The following ECPAS variants were observed in gnomAD, a reference collection of about 807,000 sequenced individuals.
ECPAS encodes proteasome adapter and scaffold protein ECM29.
In ECPAS, 70 loss-of-function variants were observed where a neutral mutation model predicts 255.1. That is an observed-to-expected ratio of 0.27 (90% CI 0.23 to 0.33). The LOEUF (loss-of-function observed/expected upper bound fraction) is 0.33. Among genes scored for constraint, ECPAS ranks in the 10% least tolerant of loss-of-function variants. The probability of loss-of-function intolerance (pLI) is 1.00; values close to 1 mark genes in which losing one functional copy is unlikely to be tolerated. For missense variants in ECPAS, 1,817 were observed against 2,206.4 expected (o/e 0.82, Z 3.54); for synonymous variants, 784 against 775.0 (o/e 1.01, Z -0.19).
chr9:111,407,103 A>T (rs1035998960), intron 24 of ECPAS, among the ~76,000 whole-genome samples: 5 of 140,900 alleles, frequency 3.5e-5, no homozygotes, highest in Admixed American at 7.0e-5. Flanking sequence ...AGCCTTCATT[A>T]AAAAAAAAAC....
rs149033920 is a variant in ECPAS, at chr9:111,408,688, A to G, written c.2551-16T>C. 1.0e-4 allele frequency: 155 copies of G among 1,513,286 alleles called. No individual in the cohort carries two copies. Among genetic ancestry groups the G allele is most frequent in the Non-Finnish European group, 1.3e-4 (146 of 1,124,230 alleles). 93.7% of individuals were successfully genotyped at this position (1,513,286 alleles called of 1,614,324 possible). A position where few individuals can be genotyped will look rare whatever the true frequency, so the allele number is the denominator to read the frequency against. On this transcript the variant is annotated splice_polypyrimidine_tract_variant and intron_variant, in intron 23 of 49. Coordinates refer to ENST00000684092, the MANE Select transcript of ECPAS (RefSeq NM_001364929.1). ...GTTCTTTCATCTGGAAGAACACCAA[A>G]TTTTTTTCTTTTAAACAGAGTATAT...
At chr9:111,464,270 CAAA>C (rs200787710) in intron 2 of ECPAS, among the ~76,000 whole-genome samples, 3 of 124,220 alleles carry the variant, frequency 2.4e-5, no homozygotes, top group African/African-American at 2.9e-5. Context: ...CCATCTCTAC[CAAA>C]AAAAAAAAAA....
At chr9:111,388,547 T>G (rs1270369565) in intron 31 of ECPAS, among the ~76,000 whole-genome samples, 3 of 151,716 alleles carry the variant, frequency 2.0e-5, no homozygotes, top group Admixed American at 6.6e-5. Flanking sequence ...ATCATGGAAT[T>G]TATTTAAAGT....
intron 1 of ECPAS, chr9:111,483,577 G>A: frequency 1.4e-6 from 1 of 724,948 alleles, no homozygotes; most frequent in Non-Finnish European, 1.7e-6. Flanking sequence ...GAGGGGCTGG[G>A]GGGGCAGGGC....
chr9:111,371,976 G>A (rs767109797), intron 42 of ECPAS, 147 bp from the exon 43 acceptor site: 4 of 662,040 alleles, frequency 6.0e-6, no homozygotes, highest in Non-Finnish European at 1.0e-5. Flanking sequence ...GAGAGAAAGT[G>A]TGTTGGTGTT....
chr9:111,433,086 G>A, intron 8 of ECPAS, 147 bp downstream of exon 8: 1 of 767,430 alleles, frequency 1.3e-6, no homozygotes, highest in Middle Eastern at 3.3e-4. Flanking sequence ...CAACTCTTTA[G>A]CAAACTTGAT....
chr9:111,476,574 A>ATTTT (rs58723893), intron 1 of ECPAS, among the ~76,000 whole-genome samples: 30 of 105,932 alleles, frequency 2.8e-4, no homozygotes, highest in African/African-American at 3.4e-4. Flanking sequence ...TAACATCAGA[A>ATTTT]TTTTTTTTTT....
chr9:111,428,901 C>T (rs1459468879), intron 9 of ECPAS, among the ~76,000 whole-genome samples: 1 of 152,214 alleles, frequency 6.6e-6, no homozygotes, highest in Non-Finnish European at 1.5e-5. Flanking sequence ...GTGCACAATA[C>T]TGGCTCACTG....
intron 31 of ECPAS, among the ~76,000 whole-genome samples, chr9:111,387,209 T>A (rs2098150532): frequency 6.6e-6 from 1 of 151,978 alleles, no homozygotes; most frequent in African/African-American, 2.4e-5. Context: ...TCACTCATCA[T>A]CAGTGCAGTT....
intron 2 of ECPAS, among the ~76,000 whole-genome samples, chr9:111,452,726 T>C (rs533438714): frequency 1.3e-5 from 2 of 152,266 alleles, no homozygotes; most frequent in East Asian, 1.9e-4. Context: ...GATACATGGA[T>C]AGACAGACAG....
intron 17 of ECPAS, 41 bp from the exon 18 acceptor site, chr9:111,416,393 A>G: frequency 6.8e-7 from 1 of 1,463,190 alleles, no homozygotes; most frequent in South Asian, 1.1e-5. Context: ...TTACTGAAAA[A>G]TGAAGCATAC....
intron 2 of ECPAS, among the ~76,000 whole-genome samples, chr9:111,455,552 C>T (rs1332967270): frequency 2.6e-5 from 4 of 152,210 alleles, no homozygotes; most frequent in Admixed American, 2.6e-4. Flanking sequence ...TATCTGGAAA[C>T]CTGGATTTCA....
In ECPAS at chr9:111,362,109, G is replaced by A. The variant is rs1213679636; in HGVS notation, c.5441C>T (p.Ala1814Val). The A allele has an allele frequency of 6.8e-6, 11 of 1,609,304 alleles. No individual in the cohort carries two copies. Among genetic ancestry groups the A allele is most frequent in the South Asian group, 6.6e-5 (6 of 90,866 alleles). ...ECRVLLIESL[A>V]TMEPDSRPEL... is the part of the protein sequence containing the mutation. ...AGGTCTGCTGTCTGGCTCCATAGTA[G>A]CTAAAGACTCAATTAGGAGCACTCT... The change falls in exon 50 of 50, where the codon GCT (alanine) becomes GTT (valine). Residue 1814 changes from alanine (A) to valine (V), a missense_variant. Physicochemically the swap from Ala to Val is moderately conservative, Grantham distance 64. This residue lies in a region of ECPAS where 960 missense variants were observed against 1,179.0 expected (regional missense o/e 0.81). Transcript: ENST00000684092.
intron 24 of ECPAS, among the ~76,000 whole-genome samples, chr9:111,397,674 T>C (rs1049624395): frequency 1.8e-4 from 28 of 152,244 alleles, no homozygotes; most frequent in African/African-American, 6.8e-4. Flanking sequence ...CCACAATAAA[T>C]AGTAGCCATT....
chr9:111,368,151 A>C (rs1190737560), intron 46 of ECPAS, among the ~76,000 whole-genome samples: 5 of 152,214 alleles, frequency 3.3e-5, no homozygotes, highest in South Asian at 2.1e-4. Context: ...CTTTTGGCTA[A>C]GATCAAGTGT....
At chr9:111,388,716 A>G (rs2098154512) in intron 31 of ECPAS, among the ~76,000 whole-genome samples, 1 of 152,194 alleles carries the variant, frequency 6.6e-6, no homozygotes, top group Admixed American at 6.5e-5. Flanking sequence ...AATTAGGGAA[A>G]GAAGAGAGTA....
Position 111,484,170 on chromosome 9 carries a change from A to AGGGCTGTAGAGCGAGGCGT in ECPAS, c.-156_-138dup, listed in dbSNP as rs1407592279. The AGGGCTGTAGAGCGAGGCGT allele has an allele frequency of 1.4e-5, 20 of 1,475,440 alleles. No homozygotes were observed. Among genetic ancestry groups the AGGGCTGTAGAGCGAGGCGT allele is most frequent in the Admixed American group, 9.3e-5 (4 of 42,948 alleles). The allele number at this position is 1,475,440 out of a possible 1,614,324, so 91.4% of individuals were successfully genotyped here. ...ACGCTGCGCTCGGCGCCGCGAGGTG[A>AGGGCTGTAGAGCGAGGCGT]GGGCTGTAGAGCGAGGCGTTCGGCG... On this transcript the variant is annotated 5_prime_UTR_variant, in exon 1 of 50. Coordinates refer to ENST00000684092, the MANE Select transcript of ECPAS (RefSeq NM_001364929.1).
intron 15 of ECPAS, 97 bp from the exon 16 acceptor site, chr9:111,420,217 T>C (rs2098211340): frequency 1.4e-6 from 1 of 740,616 alleles, no homozygotes; most frequent in Middle Eastern, 2.4e-4. Context: ...TGAGTCTTCC[T>C]AACTGTAAAC....
intron 46 of ECPAS, among the ~76,000 whole-genome samples, chr9:111,368,315 A>G (rs1322403155): frequency 1.3e-5 from 2 of 152,184 alleles, no homozygotes; most frequent in African/African-American, 4.8e-5. Flanking sequence ...TTTTTCACTG[A>G]AACAGGGATT....
Sources: gnomAD v4.1 joint callset for allele counts (sites outside exome capture counted in the v4.1 genomes callset) on GRCh38, gnomAD v4.1.1 for gene constraint, gnomAD v4.1.1 regional missense constraint, MANE v1.5 for transcripts, NCBI Gene and HGNC (gene_info 2026-07-23, HGNC 2026-07-21) for gene names.